Variants in DOT1L observed in about 807,000 individuals in gnomAD.
DOT1L encodes histone-lysine N-methyltransferase, H3 lysine-79 specific.
In DOT1L, 33 loss-of-function variants were observed where a neutral mutation model predicts 153.3. The observed-to-expected ratio is 0.22, with a 90% CI of 0.16 to 0.29. The LOEUF (loss-of-function observed/expected upper bound fraction) is 0.29, where lower values mean the gene tolerates loss of function less well. Ranked by LOEUF, DOT1L falls within the 10% of genes least tolerant of loss-of-function variation. The probability of loss-of-function intolerance (pLI) is 1.00; values close to 1 mark genes in which losing one functional copy is unlikely to be tolerated. For missense variants in DOT1L, 1,847 were observed against 2,119.9 expected (o/e 0.87, Z 2.53); for synonymous variants, 1,135 against 965.1 (o/e 1.18, Z -3.26).
At chr19:2,168,239 G>T (rs1307761846) in intron 1 of DOT1L, among the ~76,000 whole-genome samples, 2 of 152,192 alleles carry the variant, frequency 1.3e-5, no homozygotes, top group East Asian at 3.8e-4. Context: ...AAGCCCAGGC[G>T]GGAGGATTGC....
chr19:2,184,794 G>A (rs964121732), intron 2 of DOT1L, among the ~76,000 whole-genome samples: 2 of 152,236 alleles, frequency 1.3e-5, no homozygotes, highest in African/African-American at 4.8e-5. Context: ...GTGAATTGCA[G>A]TGACTAATTT....
intron 3 of DOT1L, among the ~76,000 whole-genome samples, chr19:2,186,747 G>T (rs1041438578): frequency 1.3e-5 from 2 of 152,240 alleles, no homozygotes; most frequent in African/African-American, 4.8e-5. Flanking sequence ...TGCCCCACAG[G>T]CAGACAAGCG....
chr19:2,176,706 G>A (rs890247296), intron 1 of DOT1L, among the ~76,000 whole-genome samples: 6 of 152,216 alleles, frequency 3.9e-5, no homozygotes, highest in Non-Finnish European at 8.8e-5. Flanking sequence ...AACCACAGCT[G>A]CAAACACTGC....
chr19:2,189,057 C>T (rs1418396675), intron 3 of DOT1L, among the ~76,000 whole-genome samples: 11 of 152,166 alleles, frequency 7.2e-5, no homozygotes, highest in Admixed American at 3.3e-4. Context: ...AGAGTTGCTG[C>T]GGGGGGACTG....
intron 27 of DOT1L, chr19:2,228,857 C>T (rs1419872410): frequency 7.1e-6 from 7 of 985,292 alleles, no homozygotes; most frequent in Non-Finnish European, 8.4e-6. Flanking sequence ...GGGTGGCTGG[C>T]TGGATGCCTC....
rs371969330 is a variant in DOT1L, at chr19:2,216,355, C to T, written c.1998C>T (p.Asp666=). 124 of 1,609,854 alleles carry T rather than the reference C, an allele frequency of 7.7e-5. No individual in the cohort carries two copies. The highest frequency in any genetic ancestry group is 2.9e-4 in the East Asian group (13 of 44,792). The change falls in exon 20 of 28, where the codon GAC becomes GAT. Residue 666 remains aspartate, a synonymous_variant. Coordinates refer to ENST00000398665, the MANE Select transcript of DOT1L (RefSeq NM_032482.3). ...AGCTCAAGTCCTGTGTGCCGCCTGA[C>T]GACGCCCTGTCCCTGCACCTGCGTG... ...LLQLKSCVPP[D]DALSLHLRGK... is the part of the protein sequence containing the mutation.
Position 2,227,683 on chromosome 19 carries a change from G to A in DOT1L, c.4606+556G>A, listed in dbSNP as rs961349541. On this transcript the variant is annotated intron_variant, in intron 27 of 27. Transcript: ENST00000398665. The stretch of plus-strand genomic sequence containing the variant: ...TGTGAGCCTGCGGCTGCTGCTCTGC[G>A]CTTGCCTGGATGCTGCCGCTTGTTG... 130 of 1,291,726 alleles carry A rather than the reference G, an allele frequency of 1.0e-4. 1 individual carries two copies. The highest frequency in any genetic ancestry group is 6.6e-4 in the Middle Eastern group (2 of 3,048). 80.0% of individuals were successfully genotyped at this position (1,291,726 alleles called of 1,614,324 possible).
In DOT1L at chr19:2,194,561, A is replaced by C. The variant is rs1444512111; in HGVS notation, c.635A>C (p.Lys212Thr). The C allele has an allele frequency of 6.2e-7, 1 of 1,613,136 alleles. No homozygotes were observed. Among genetic ancestry groups the C allele is most frequent in the East Asian group, 2.2e-5 (1 of 44,898 alleles). The change falls in exon 7 of 28, where the codon AAG becomes ACG. Residue 212 changes from lysine to threonine, a missense_variant. This residue lies in a region of DOT1L where 148 missense variants were observed against 422.3 expected (regional missense o/e 0.35). Transcript: ENST00000398665. ...AAGTGGATGAAATGGTATGGAAAAAAGCATGCAGAATACACAGTGAGTGCC... is the reference window on the plus strand; with the variant it reads ...AAGTGGATGAAATGGTATGGAAAAACGCATGCAGAATACACAGTGAGTGCC... ...FRKWMKWYGK[K>T]HAEYTLERGD...
At position 2,210,625 on chromosome 19, in the gene DOT1L, C is replaced by T. The variant is rs896640132; in HGVS notation, c.1121C>T (p.Ser374Phe). 1 of 1,612,418 alleles carries T rather than the reference C, an allele frequency of 6.2e-7. No individual in the cohort carries two copies. The highest frequency in any genetic ancestry group is 8.5e-7 in the Non-Finnish European group (1 of 1,179,700). The change falls in exon 14 of 28, where the codon TCT (serine) becomes TTT (phenylalanine). Residue 374 changes from serine to phenylalanine, a missense_variant. Physicochemically the swap from Ser to Phe is radical, Grantham distance 155. Transcript: ENST00000398665. ...TTCTTCCCTTGTGTCCTCCAGGACTCTGGTGCTGAGGAAGAGAAGGCGGGA... is the reference window on the plus strand; with the variant it reads ...TTCTTCCCTTGTGTCCTCCAGGACTTTGGTGCTGAGGAAGAGAAGGCGGGA... ...VAGPADAPMD[S>F]GAEEEKAGAA...
At chr19:2,185,601 T>C (rs1032307446) in intron 2 of DOT1L, among the ~76,000 whole-genome samples, 1 of 152,112 alleles carries the variant, frequency 6.6e-6, no homozygotes, top group Non-Finnish European at 1.5e-5. Context: ...TAACCCGGTC[T>C]CTACTAAAAA....
In DOT1L at chr19:2,203,766, A is replaced by G. The variant is rs528557831; in HGVS notation, c.787+987A>G. On this transcript the variant is annotated intron_variant, in intron 9 of 27. Transcript: ENST00000398665. ...TCCCAGCCCCTGCCAGCCCTCCAGC[A>G]GGACATAGGGCAGGTTTGGGGTCTT... 2.6e-5 allele frequency among the ~76,000 whole-genome samples: 4 copies of G among 152,334 alleles called. No homozygotes were observed. The East Asian group carries it at 7.7e-4, about 29-fold the overall frequency.
intron 1 of DOT1L, among the ~76,000 whole-genome samples, chr19:2,178,754 A>AC (rs2022082754): frequency 7.4e-6 from 1 of 134,758 alleles, no homozygotes; most frequent in Non-Finnish European, 1.8e-5. Flanking sequence ...TTTAGTAGAG[A>AC]CGGGGTTTCA....
At position 2,193,321 on chromosome 19, in the gene DOT1L, C is replaced by T. The variant is rs2022879401; in HGVS notation, c.494-368C>T. Among the ~76,000 whole-genome samples, 1 of 152,116 alleles carries T rather than the reference C, an allele frequency of 6.6e-6. No individual in the cohort carries two copies. ...TTGCTGTGTGTCTGTGTGCTGGTGACGTGGGGATAATTTGAGGTGGACGGC... is the reference window on the plus strand; with the variant it reads ...TTGCTGTGTGTCTGTGTGCTGGTGATGTGGGGATAATTTGAGGTGGACGGC... On this transcript the variant is annotated intron_variant, in intron 5 of 27. Coordinates refer to ENST00000398665, the MANE Select transcript of DOT1L (RefSeq NM_032482.3). The surrounding 1 kb of genome is among the most constrained non-coding windows in gnomAD (Gnocchi z 5.9).
At chr19:2,195,878 A>G (rs2022995994) in intron 7 of DOT1L, among the ~76,000 whole-genome samples, 1 of 152,180 alleles carries the variant, frequency 6.6e-6, no homozygotes. Context: ...TTCGACTCTC[A>G]CAGTTCAGAG....
chr19:2,201,597 G>T (rs1035851785), intron 8 of DOT1L, among the ~76,000 whole-genome samples: 1 of 152,230 alleles, frequency 6.6e-6, no homozygotes, highest in Non-Finnish European at 1.5e-5. Flanking sequence ...GCCCGCCGGC[G>T]GGTGTTCTGC....
chr19:2,229,179 A>G, intron 27 of DOT1L: 2 of 985,456 alleles, frequency 2.0e-6, no homozygotes, highest in Middle Eastern at 5.2e-4. Flanking sequence ...TGAGGCCTTC[A>G]GGGAATGTCC....
intron 26 of DOT1L, 55 bp downstream of exon 26, chr19:2,225,507 CCAGT>C: frequency 6.3e-7 from 1 of 1,576,428 alleles, no homozygotes; most frequent in Non-Finnish European, 8.7e-7. Flanking sequence ...GCCGTGGTGC[CCAGT>C]CAGTGCTGCT....
intron 7 of DOT1L, among the ~76,000 whole-genome samples, chr19:2,196,828 C>G (rs2023043714): frequency 6.6e-6 from 1 of 152,226 alleles, no homozygotes; most frequent in South Asian, 2.1e-4. Context: ...AGCTGAGCCC[C>G]TGGCCGCGGA....
At chr19:2,210,879 C>G in intron 14 of DOT1L, 24 bp downstream of exon 14, 6 of 1,607,594 alleles carry the variant, frequency 3.7e-6, no homozygotes, top group Non-Finnish European at 5.1e-6. Context: ...ACGCCACGGC[C>G]CCCGCTCTCC....
Sources: allele counts gnomAD v4.1 joint callset (sites outside exome capture counted in the v4.1 genomes callset), GRCh38; gene constraint gnomAD v4.1.1; regional missense constraint gnomAD v4.1.1; non-coding constraint Gnocchi (gnomAD v3.1); transcripts MANE v1.5; gene names NCBI Gene and HGNC (gene_info 2026-07-23, HGNC 2026-07-21).